The following LANCL3 variants were observed in gnomAD, a reference collection of about 807,000 sequenced individuals.
LANCL3 encodes the protein lanC-like protein 3.
LANCL3 carries 19 observed loss-of-function variants against 26.5 expected under a neutral mutation model. The observed-to-expected ratio is 0.72, with a 90% CI of 0.50 to 1.05. The LOEUF (loss-of-function observed/expected upper bound fraction) is 1.05. LANCL3 is among the 50% of genes least tolerant of loss of function. The pLI is 0.00. For synonymous variants in LANCL3, 160 were observed against 166.6 expected, an observed-to-expected ratio of 0.96 and a Z score of 0.30; for missense variants, 318 against 362.7, an observed-to-expected ratio of 0.88 and a Z score of 1.00.
At chrX:37,629,688 C>A (rs1228706166) in intron 1 of LANCL3, among the ~76,000 whole-genome samples, 2 of 110,399 alleles carry the variant, frequency 1.8e-5, no homozygotes, top group African/African-American at 3.3e-5. Flanking sequence ...TTTCACAGCA[C>A]CATTTATTAA....
chrX:37,576,045 G>A lies in LANCL3; in HGVS notation c.573+3602G>A, dbSNP rs189785487. Among the ~76,000 whole-genome samples, 174 of 111,872 alleles carry A rather than the reference G, an allele frequency of 1.6e-3. 1 individual carries two copies. Among genetic ancestry groups the A allele is most frequent in the African/African-American group, 5.5e-3 (168 of 30,817 alleles). ...TGTGTTGGCTACTAGGGAGTGTATG[G>A]CTAGAATTGTGGTCCATATAAGCTA... On this transcript the variant is annotated intron_variant, in intron 1 of 4. Coordinates refer to ENST00000378619, the MANE Select transcript of LANCL3 (RefSeq NM_001170331.2).
At chrX:37,647,865 C>T (rs1926028464) in intron 1 of LANCL3, among the ~76,000 whole-genome samples, 1 of 112,861 alleles carries the variant, frequency 8.9e-6, no homozygotes, top group Non-Finnish European at 1.9e-5. Flanking sequence ...TACCCACTTC[C>T]AAAAACGTGT....
chrX:37,663,054 C>G (rs1488406590), intron 3 of LANCL3, among the ~76,000 whole-genome samples: 1 of 111,754 alleles, frequency 8.9e-6, no homozygotes, highest in African/African-American at 3.3e-5. Flanking sequence ...ACCCTTCTTC[C>G]TTCTACATCT....
chrX:37,583,175 T>C (rs185689155), intron 1 of LANCL3, among the ~76,000 whole-genome samples: 2 of 111,712 alleles, frequency 1.8e-5, no homozygotes, highest in South Asian at 3.8e-4. Context: ...CATTGATCGA[T>C]ATCTCTGTTT....
intron 3 of LANCL3, among the ~76,000 whole-genome samples, chrX:37,666,353 C>T (rs1419496522): frequency 2.7e-5 from 3 of 111,867 alleles, no homozygotes; most frequent in Non-Finnish European, 3.8e-5. Flanking sequence ...GTGTGAGTTT[C>T]TAGGGACAGA....
chrX:37,655,268 C>G (rs782608066), intron 1 of LANCL3, among the ~76,000 whole-genome samples: 1 of 111,947 alleles, frequency 8.9e-6, no homozygotes, highest in African/African-American at 3.2e-5. Flanking sequence ...GTCTAAATAA[C>G]ACAAATTGAA....
intron 2 of LANCL3, among the ~76,000 whole-genome samples, chrX:37,658,098 A>G (rs1926330481): frequency 2.7e-5 from 3 of 111,434 alleles, no homozygotes; most frequent in African/African-American, 6.5e-5. Context: ...CTAGTTCAAT[A>G]CCCATTGCTA....
chrX:37,652,245 G>A (rs1174265520), intron 1 of LANCL3, among the ~76,000 whole-genome samples: 1 of 111,091 alleles, frequency 9.0e-6, no homozygotes, highest in Non-Finnish European at 1.9e-5. Flanking sequence ...CCTTGGGAAG[G>A]AGTCAGTGGT....
In LANCL3 at chrX:37,678,046, G is replaced by C. The variant is rs982298455; in HGVS notation, c.*2233G>C. 1 of 111,774 alleles carries C rather than the reference G, an allele frequency of 8.9e-6. No homozygotes were observed. The highest frequency in any genetic ancestry group is 9.5e-5 in the Admixed American group (1 of 10,536). The allele number at this position is 111,774 out of a possible 1,213,427, so 9.2% of individuals were successfully genotyped here. ...CTTTCAGGCCTATCTGCCCTTTTAA[G>C]TTCTGATAGGTCTGATGATGATGTG... On this transcript the variant is annotated 3_prime_UTR_variant, in exon 5 of 5. Transcript: ENST00000378619.
chrX:37,574,915 G>GTATA (rs57888407), intron 1 of LANCL3, among the ~76,000 whole-genome samples: 6 of 102,239 alleles, frequency 5.9e-5, no homozygotes, highest in East Asian at 6.0e-4. Flanking sequence ...GTGTGTGTAT[G>GTATA]TATATATATA....
chrX:37,645,769 C>G (rs1340070922), intron 1 of LANCL3, among the ~76,000 whole-genome samples: 1 of 112,026 alleles, frequency 8.9e-6, no homozygotes, highest in Non-Finnish European at 1.9e-5. Context: ...GGTTGATGAA[C>G]CAGCAGTGTC....
chrX:37,631,730 A>C (rs1925519139), intron 1 of LANCL3, among the ~76,000 whole-genome samples: 1 of 111,432 alleles, frequency 9.0e-6, no homozygotes, highest in Admixed American at 9.5e-5. Flanking sequence ...ATTCAGGAGC[A>C]GGTTGTTCAG....
At chrX:37,650,088 G>C (rs1195747158) in intron 1 of LANCL3, among the ~76,000 whole-genome samples, 1 of 109,614 alleles carries the variant, frequency 9.1e-6, no homozygotes, top group Non-Finnish European at 1.9e-5. Flanking sequence ...GATCGCCCGA[G>C]GTCAGGAATT....
chrX:37,647,538 G>A (rs1207280019), intron 1 of LANCL3, among the ~76,000 whole-genome samples: 2 of 112,057 alleles, frequency 1.8e-5, no homozygotes, highest in Non-Finnish European at 3.8e-5. Flanking sequence ...GCAAAGGATT[G>A]GGTGAAATAA....
chrX:37,592,820 T>A (rs1263700489), intron 1 of LANCL3, among the ~76,000 whole-genome samples: 3 of 111,459 alleles, frequency 2.7e-5, no homozygotes, highest in Admixed American at 9.5e-5. Flanking sequence ...AGCAAGAATA[T>A]TTTTTATAAG....
In LANCL3 at chrX:37,677,093, C is replaced by T. The variant is rs1227286631; in HGVS notation, c.*1280C>T. 9.2e-6 allele frequency: 1 copy of T among 109,008 alleles called. No individual in the cohort carries two copies. Among genetic ancestry groups the T allele is most frequent in the East Asian group, 2.8e-4 (1 of 3,565 alleles). The allele number at this position is 109,008 out of a possible 1,213,427, so 9.0% of individuals were successfully genotyped here. On this transcript the variant is annotated 3_prime_UTR_variant, in exon 5 of 5. Coordinates refer to ENST00000378619, the MANE Select transcript of LANCL3 (RefSeq NM_001170331.2). Reference sequence around the variant, plus strand: ...ATCAGATTGAGTAGGAAATTGTGTACTGTATAAGACTTATTTAAATAGTCA... The same window carrying T: ...ATCAGATTGAGTAGGAAATTGTGTATTGTATAAGACTTATTTAAATAGTCA...
intron 1 of LANCL3, among the ~76,000 whole-genome samples, chrX:37,602,165 A>G (rs782719127): frequency 1.8e-4 from 20 of 111,987 alleles, no homozygotes; most frequent in Non-Finnish European, 3.2e-4. Context: ...TTATACATAT[A>G]TATATAGTTT....
At chrX:37,606,371 A>G (rs1556420535) in intron 1 of LANCL3, among the ~76,000 whole-genome samples, 1 of 112,133 alleles carries the variant, frequency 8.9e-6, no homozygotes, top group Non-Finnish European at 1.9e-5. Context: ...CAGTCTTACC[A>G]GTCCTGGGAA....
chrX:37,648,167 T>C (rs782049699), intron 1 of LANCL3, among the ~76,000 whole-genome samples: 2 of 112,539 alleles, frequency 1.8e-5, no homozygotes, highest in Non-Finnish European at 3.8e-5. Context: ...TGTCTTTTTT[T>C]AAAAAATCAA....
Sources: allele counts gnomAD v4.1 joint callset (sites outside exome capture counted in the v4.1 genomes callset), GRCh38; gene constraint gnomAD v4.1.1; transcripts MANE v1.5; gene names NCBI Gene and HGNC (gene_info 2026-07-23, HGNC 2026-07-21).